Variants in SAMSN1 observed in about 807,000 individuals in gnomAD.
The protein encoded by SAMSN1 is SAM domain, SH3 domain and nuclear localization signals 1.
Under a neutral mutation model 42.0 loss-of-function variants are expected in SAMSN1, and 31 were observed. The observed-to-expected ratio is 0.74, with a 90% confidence interval of 0.55 to 1.00. SAMSN1 has a LOEUF of 1.00. Ranked by LOEUF, SAMSN1 falls within the 50% of genes least tolerant of loss-of-function variation. The probability of loss-of-function intolerance (pLI) is 0.00; values close to 1 mark genes in which losing one functional copy is unlikely to be tolerated. For missense variants in SAMSN1, 464 were observed against 439.4 expected (o/e 1.06, Z -0.50); for synonymous variants, 178 against 151.9 (o/e 1.17, Z -1.26).
At chr21:14,645,246 C>T (rs1249178840) in intron 1 of SAMSN1, among the ~76,000 whole-genome samples, 6 of 152,224 alleles carry the variant, frequency 3.9e-5, no homozygotes, top group African/African-American at 1.4e-4. Flanking sequence ...TGACCCAGCA[C>T]AGTCACAGCA....
intron 6 of SAMSN1, among the ~76,000 whole-genome samples, chr21:14,596,450 C>CT (rs1982265057): frequency 6.6e-6 from 1 of 152,174 alleles, no homozygotes; most frequent in Non-Finnish European, 1.5e-5. Context: ...TTCTTTTACA[C>CT]TGAAGAGGTC....
Position 14,525,745 on chromosome 21 carries a change from T to C in SAMSN1, c.58-4524A>G, listed in dbSNP as rs555152735. Among the ~76,000 whole-genome samples, 4 of 152,354 alleles carry C rather than the reference T, an allele frequency of 2.6e-5. No individual in the cohort carries two copies. In the East Asian group the frequency reaches 5.8e-4, roughly 22 times the overall value. On this transcript the variant is annotated intron_variant, in intron 1 of 7. Coordinates refer to ENST00000400566, the MANE Select transcript of SAMSN1 (RefSeq NM_022136.5). Reference sequence around the variant, plus strand: ...GTGGCTATATGGGGGTAGATTTTACTACTCTCTAATTTTACATATATTTAA... The same window carrying C: ...GTGGCTATATGGGGGTAGATTTTACCACTCTCTAATTTTACATATATTTAA...
At position 14,510,411 on chromosome 21, in the gene SAMSN1, G is replaced by GTCTT; in HGVS notation, c.459_460insAAGA (p.Leu154LysfsTer4). On this transcript the variant is annotated frameshift_variant, in exon 5 of 8. Coordinates refer to ENST00000400566, the MANE Select transcript of SAMSN1 (RefSeq NM_022136.5). LOFTEE classifies it high-confidence loss of function. ...CCTGAATAGGGGCCATCGTCATCCA[G>GTCTT]TCGAAAGCTGTCCCGGTTACTTGTA... 6.2e-7 allele frequency: 1 copy of GTCTT among 1,614,170 alleles called. No homozygotes were observed. The highest frequency in any genetic ancestry group is 8.5e-7 in the Non-Finnish European group (1 of 1,180,014).
intron 2 of SAMSN1, among the ~76,000 whole-genome samples, chr21:14,564,241 G>A (rs1227432784): frequency 6.6e-6 from 1 of 151,956 alleles, no homozygotes; most frequent in Non-Finnish European, 1.5e-5. Context: ...TGGAGAATAT[G>A]GATTATATGT....
intron 1 of SAMSN1, among the ~76,000 whole-genome samples, chr21:14,540,432 C>T (rs1056846972): frequency 7.9e-4 from 120 of 151,946 alleles, no homozygotes; most frequent in Non-Finnish European, 2.2e-4. Flanking sequence ...CAGTGAACTC[C>T]AACAAATATA....
chr21:14,586,224 C>T (rs961394740), upstream of SAMSN1, among the ~76,000 whole-genome samples: 4 of 124,416 alleles, frequency 3.2e-5, no homozygotes, highest in Admixed American at 3.1e-4. Flanking sequence ...GATCGCACCA[C>T]TGAACTCCAG....
At chr21:14,568,171 T>G (rs775032628) in intron 2 of SAMSN1, among the ~76,000 whole-genome samples, 5 of 152,176 alleles carry the variant, frequency 3.3e-5, no homozygotes, top group Non-Finnish European at 7.4e-5. Flanking sequence ...GTAAAACAAA[T>G]ATTGGTTTTA....
chr21:14,537,700 C>T (rs754881179), intron 1 of SAMSN1, among the ~76,000 whole-genome samples: 9 of 152,128 alleles, frequency 5.9e-5, no homozygotes, highest in Non-Finnish European at 4.4e-5. Context: ...GGAACCCAAT[C>T]ATCAGTTTTT....
intron 1 of SAMSN1, among the ~76,000 whole-genome samples, chr21:14,524,788 C>T (rs1007137914): frequency 6.6e-6 from 1 of 152,060 alleles, no homozygotes. Flanking sequence ...TTAAATACAT[C>T]TTTTTATATG....
chr21:14,608,814 A>G (rs564719229), intron 5 of SAMSN1, among the ~76,000 whole-genome samples: 3 of 152,286 alleles, frequency 2.0e-5, no homozygotes, highest in African/African-American at 7.2e-5. Flanking sequence ...TGAATCATCA[A>G]TAGCTAAAAT....
intron 2 of SAMSN1, among the ~76,000 whole-genome samples, chr21:14,629,775 A>C (rs577477234): frequency 4.6e-5 from 7 of 152,314 alleles, no homozygotes; most frequent in African/African-American, 1.7e-4. Context: ...ATCCTAAAGC[A>C]ACAAACTCTT....
At chr21:14,626,590 C>A (rs1983183420) in intron 2 of SAMSN1, among the ~76,000 whole-genome samples, 1 of 152,116 alleles carries the variant, frequency 6.6e-6, no homozygotes, top group African/African-American at 2.4e-5. Flanking sequence ...CCATCTCACA[C>A]CAGTTAGAAT....
chr21:14,590,269 T>TTC (rs1308922334), intron 7 of SAMSN1, among the ~76,000 whole-genome samples: 1 of 151,146 alleles, frequency 6.6e-6, no homozygotes, highest in Non-Finnish European at 1.5e-5. Flanking sequence ...TGGGAGAATT[T>TTC]TTTTTTCTTT....
intron 1 of SAMSN1, among the ~76,000 whole-genome samples, chr21:14,544,266 G>C (rs1310917062): frequency 6.6e-6 from 1 of 152,200 alleles, no homozygotes; most frequent in African/African-American, 2.4e-5. Context: ...GCCCAGACTG[G>C]GCTGGAACTC....
intron 2 of SAMSN1, among the ~76,000 whole-genome samples, chr21:14,552,105 C>G (rs1980617819): frequency 6.6e-6 from 1 of 152,176 alleles, no homozygotes; most frequent in Middle Eastern, 3.4e-3. Context: ...CAATCCAGAG[C>G]TCTTTTCTAT....
At chr21:14,497,681 T>A (rs1275791902) in intron 7 of SAMSN1, among the ~76,000 whole-genome samples, 1 of 152,200 alleles carries the variant, frequency 6.6e-6, no homozygotes. Context: ...AGTTCCTTTT[T>A]ATCTTTAAAG....
intron 2 of SAMSN1, among the ~76,000 whole-genome samples, chr21:14,565,674 C>T (rs1434593132): frequency 6.6e-6 from 1 of 152,126 alleles, no homozygotes; most frequent in African/African-American, 2.4e-5. Flanking sequence ...CAGAAAGAGA[C>T]TGTGGATCAG....
intron 7 of SAMSN1, chr21:14,591,585 G>A (rs1982087086): frequency 6.6e-6 from 1 of 152,148 alleles, no homozygotes; most frequent in Non-Finnish European, 1.5e-5. Context: ...GGAAAAAGTA[G>A]ATGTGTCATA....
intron 1 of SAMSN1, among the ~76,000 whole-genome samples, chr21:14,658,427 A>C (rs759953661): frequency 2.6e-5 from 4 of 151,942 alleles, no homozygotes; most frequent in Non-Finnish European, 5.9e-5. Flanking sequence ...ATATTTTGCA[A>C]AATTTTGTCT....
Sources: gnomAD v4.1 joint callset for allele counts (sites outside exome capture counted in the v4.1 genomes callset) on GRCh38, gnomAD v4.1.1 for gene constraint, MANE v1.5 for transcripts, NCBI Gene and HGNC (gene_info 2026-07-23, HGNC 2026-07-21) for gene names.